The following DAW1 variants were observed in gnomAD, a reference collection of about 807,000 sequenced individuals.
DAW1 encodes dynein assembly factor with WD repeat domains 1.
In DAW1, 47 loss-of-function variants were observed where a neutral mutation model predicts 56.5. The observed-to-expected ratio is 0.83, with a 90% CI of 0.66 to 1.06. DAW1 has a LOEUF of 1.06. Among genes scored for constraint, DAW1 ranks in the 50% least tolerant of loss-of-function variants. The probability of loss-of-function intolerance (pLI) is 0.00; values close to 1 mark genes in which losing one functional copy is unlikely to be tolerated. For synonymous variants in DAW1, 190 were observed against 179.0 expected, an observed-to-expected ratio of 1.06 and a Z score of -0.49; for missense variants, 505 against 499.3, an observed-to-expected ratio of 1.01 and a Z score of -0.11.
intron 1 of DAW1, among the ~76,000 whole-genome samples, chr2:227,873,702 T>G (rs1690808692): frequency 6.6e-6 from 1 of 152,142 alleles, no homozygotes; most frequent in South Asian, 2.1e-4. Context: ...ATTAATTAAT[T>G]TAATTTTTGA....
At chr2:227,910,945 T>C (rs1691799598) in intron 10 of DAW1, among the ~76,000 whole-genome samples, 1 of 152,096 alleles carries the variant, frequency 6.6e-6, no homozygotes, top group African/African-American at 2.4e-5. Flanking sequence ...CTGCATCCAA[T>C]CATCCATGAG....
chr2:227,876,209 A>G (rs986002046), intron 1 of DAW1, among the ~76,000 whole-genome samples: 6 of 152,048 alleles, frequency 3.9e-5, no homozygotes, highest in Non-Finnish European at 8.8e-5. Flanking sequence ...TTTAGTAGAG[A>G]CGGGGTTTCA....
chr2:227,921,294 G>A (rs1692100671), intron 11 of DAW1, 105 bp from the exon 12 acceptor site: 4 of 1,202,840 alleles, frequency 3.3e-6, no homozygotes, highest in Non-Finnish European at 4.5e-6. Context: ...GGTGACATGT[G>A]CTGTAATGTC....
At chr2:227,881,743 CTTTTTTTTTTTT>C (rs541800966) in intron 1 of DAW1, among the ~76,000 whole-genome samples, 1 of 78,608 alleles carries the variant, frequency 1.3e-5, no homozygotes, top group African/African-American at 4.9e-5. Context: ...CTGCCACATT[CTTTTTTTTTTTT>C]TTTTTTTTTT....
chr2:227,897,985 C>A (rs892028752), intron 5 of DAW1, among the ~76,000 whole-genome samples, 197 bp from the exon 6 acceptor site: 13 of 151,854 alleles, frequency 8.6e-5, no homozygotes, highest in Admixed American at 3.3e-4. Context: ...AATATAAAAC[C>A]TTTAAAATTA....
In DAW1 at chr2:227,898,827, G is replaced by T. The variant is rs186023479; in HGVS notation, c.540+546G>T. ...TATCCTACATTGACTAAGTAGACAC[G>T]TAATATGATAAATTTATAAATATAA... On this transcript the variant is annotated intron_variant, in intron 6 of 12. Transcript: ENST00000309931. Among the ~76,000 whole-genome samples, 87 of 152,174 alleles carry T rather than the reference G, an allele frequency of 5.7e-4. No individual in the cohort carries two copies. In the East Asian group the frequency reaches 0.016, roughly 27 times the overall value.
rs543113562 is a variant in DAW1, at chr2:227,885,571, G to A, written c.113+148G>A. On this transcript the variant is annotated intron_variant, in intron 2 of 12. Transcript: ENST00000309931. Reference sequence around the variant, plus strand: ...GTGTGTTAGTTTCTGTTTGTTTCAGGGAGTTGTATCTGAGGGTCTTGCTGA... The same window carrying A: ...GTGTGTTAGTTTCTGTTTGTTTCAGAGAGTTGTATCTGAGGGTCTTGCTGA... The A allele has an allele frequency of 4.6e-4, 231 of 501,942 alleles. 1 individual carries two copies. The highest frequency in any genetic ancestry group is 3.3e-5 in the Non-Finnish European group (10 of 300,620). The allele number at this position is 501,942 out of a possible 1,614,324, so 31.1% of individuals were successfully genotyped here. A position where few individuals can be genotyped will look rare whatever the true frequency, so the allele number is the denominator to read the frequency against.
At chr2:227,894,059 C>T (rs1691348796) in intron 5 of DAW1, 142 bp downstream of exon 5, 1 of 847,924 alleles carries the variant, frequency 1.2e-6, no homozygotes, top group Non-Finnish European at 1.7e-6. Flanking sequence ...ATACCTCCTT[C>T]AAAGCTTAAA....
chr2:227,898,849 A>G (rs1408840370), intron 6 of DAW1, among the ~76,000 whole-genome samples: 1 of 152,222 alleles, frequency 6.6e-6, no homozygotes, highest in Non-Finnish European at 1.5e-5. Context: ...ATTTATAAAT[A>G]TAATAACCAA....
chr2:227,923,247 G>A (rs544618311), intron 12 of DAW1, among the ~76,000 whole-genome samples: 3 of 152,144 alleles, frequency 2.0e-5, no homozygotes, highest in Non-Finnish European at 4.4e-5. Context: ...TCTATTTTCC[G>A]AGTGGACCCT....
chr2:227,901,958 C>T (rs375613837), intron 6 of DAW1, among the ~76,000 whole-genome samples: 40 of 152,104 alleles, frequency 2.6e-4, no homozygotes, highest in African/African-American at 4.8e-4. Context: ...CCTCTACATC[C>T]GAGACTGAGG....
intron 10 of DAW1, 45 bp downstream of exon 10, chr2:227,907,297 T>C: frequency 6.7e-7 from 1 of 1,501,240 alleles, no homozygotes; most frequent in Non-Finnish European, 9.2e-7. Flanking sequence ...AGATTTATGC[T>C]TTGCTTGATA....
intron 8 of DAW1, among the ~76,000 whole-genome samples, chr2:227,905,497 T>C (rs879839153): frequency 1.3e-5 from 2 of 152,194 alleles, no homozygotes; most frequent in Non-Finnish European, 2.9e-5. Context: ...CTCTTGGATT[T>C]GTCTGTGATT....
At chr2:227,885,616 AG>A (rs1691107679) in intron 2 of DAW1, among the ~76,000 whole-genome samples, 193 bp downstream of exon 2, 1 of 152,006 alleles carries the variant, frequency 6.6e-6, no homozygotes, top group Admixed American at 6.6e-5. Context: ...AAGTGGGAAA[AG>A]GGTTATCACT....
At chr2:227,916,180 C>T (rs1691948803) in intron 10 of DAW1, among the ~76,000 whole-genome samples, 1 of 152,062 alleles carries the variant, frequency 6.6e-6, no homozygotes, top group Admixed American at 6.6e-5. Context: ...GTAATCATCT[C>T]CTTGACAACC....
intron 1 of DAW1, among the ~76,000 whole-genome samples, chr2:227,881,795 C>T (rs1045859776): frequency 7.1e-6 from 1 of 141,214 alleles, no homozygotes; most frequent in Non-Finnish European, 1.5e-5. Flanking sequence ...CTCTGTCGCC[C>T]AGGCTGGAGT....
In DAW1 at chr2:227,924,232, A is replaced by G; in HGVS notation, c.*264A>G. ...GTTATTTCAGTTGTGTTTGTTTTTT[A>G]AAAGCATTATGATACTGAAAAAGGA... On this transcript the variant is annotated 3_prime_UTR_variant, in exon 13 of 13. Transcript: ENST00000309931. 1 of 487,556 alleles carries G rather than the reference A, an allele frequency of 2.1e-6. No individual in the cohort carries two copies. Among genetic ancestry groups the G allele is most frequent in the Non-Finnish European group, 3.7e-6 (1 of 272,804 alleles). The allele number at this position is 487,556 out of a possible 1,614,324, so 30.2% of individuals were successfully genotyped here. A position where few individuals can be genotyped will look rare whatever the true frequency, so the allele number is the denominator to read the frequency against.
At chr2:227,913,062 T>C (rs374252383) in intron 10 of DAW1, among the ~76,000 whole-genome samples, 4 of 152,198 alleles carry the variant, frequency 2.6e-5, no homozygotes, top group East Asian at 3.8e-4. Flanking sequence ...TCATCTCCTT[T>C]ACAATCGCAA....
At chr2:227,921,634 C>A in intron 12 of DAW1, 73 bp downstream of exon 12, 1 of 1,495,718 alleles carries the variant, frequency 6.7e-7, no homozygotes, top group Non-Finnish European at 9.1e-7. Context: ...TGAATACTAA[C>A]AGGAGTTCAT....
Sources: gnomAD v4.1 joint callset for allele counts (sites outside exome capture counted in the v4.1 genomes callset) on GRCh38, gnomAD v4.1.1 for gene constraint, MANE v1.5 for transcripts, NCBI Gene and HGNC (gene_info 2026-07-23, HGNC 2026-07-21) for gene names.